Variants in GLB1L2 observed in about 807,000 individuals in gnomAD.
GLB1L2 encodes beta-galactosidase-1-like protein 2.
In GLB1L2, 68 loss-of-function variants were observed where a neutral mutation model predicts 84.1. The ratio of observed to expected loss-of-function variants is 0.81; its 90% confidence interval spans 0.67 to 0.99. The LOEUF is 0.99. GLB1L2 is among the 50% of genes least tolerant of loss of function. The pLI is 0.00. For missense variants in GLB1L2, 762 were observed against 805.6 expected, an observed-to-expected ratio of 0.95 and a Z score of 0.66; for synonymous variants, 290 against 318.0, an observed-to-expected ratio of 0.91 and a Z score of 0.94.
At chr11:134,367,156 G>A in intron 8 of GLB1L2, 101 bp from the exon 9 acceptor site, 1 of 1,004,672 alleles carries the variant, frequency 1.0e-6, no homozygotes, top group South Asian at 1.4e-5. Flanking sequence ...AGACAGGGAA[G>A]AGTAGAGAGG....
At chr11:134,371,708 C>A (rs749590581) in intron 14 of GLB1L2, 44 bp from the exon 15 acceptor site, 1 of 1,589,036 alleles carries the variant, frequency 6.3e-7, no homozygotes, top group Admixed American at 1.7e-5. Flanking sequence ...TGAGGGGCAG[C>A]TGTGGCCTTC....
At chr11:134,332,406 G>T (rs1402889472) in intron 1 of GLB1L2, among the ~76,000 whole-genome samples, 1 of 148,336 alleles carries the variant, frequency 6.7e-6, no homozygotes. Context: ...CGCCCACCCC[G>T]CCGCGCCTGT....
Position 134,345,634 on chromosome 11 carries a change from C to A in GLB1L2, c.449+505C>A, listed in dbSNP as rs187182478. ...TACAGGTGTGTGCCACCACGCGCAG[C>A]TAATTTTTGTATTTTTAGTAAAGAC... On this transcript the variant is annotated intron_variant, in intron 4 of 18. Transcript: ENST00000535456. Among the ~76,000 whole-genome samples, 957 of 152,234 alleles carry A rather than the reference C, an allele frequency of 6.3e-3. 10 individuals are homozygous for A. Among genetic ancestry groups the A allele is most frequent in the African/African-American group, 0.021 (887 of 41,556 alleles).
At chr11:134,368,414 T>C (rs748994606) in intron 9 of GLB1L2, among the ~76,000 whole-genome samples, 8 of 152,156 alleles carry the variant, frequency 5.3e-5, no homozygotes, top group Non-Finnish European at 7.3e-5. Flanking sequence ...TTGACCAGGA[T>C]TGACAGACAA....
chr11:134,368,576 T>A, intron 9 of GLB1L2, 68 bp from the exon 10 acceptor site: 1 of 1,563,182 alleles, frequency 6.4e-7, no homozygotes, highest in Non-Finnish European at 8.8e-7. Flanking sequence ...AGGAGAGTAG[T>A]GAAGGGACCC....
At chr11:134,354,206 G>A (rs1308085414) in intron 5 of GLB1L2, among the ~76,000 whole-genome samples, 1 of 151,954 alleles carries the variant, frequency 6.6e-6, no homozygotes, top group Non-Finnish European at 1.5e-5. Context: ...ATAAGGTAAA[G>A]GATATATAAT....
At chr11:134,345,280 C>T (rs1943538436) in intron 4 of GLB1L2, 151 bp downstream of exon 4, 3 of 1,004,026 alleles carry the variant, frequency 3.0e-6, no homozygotes, top group Admixed American at 6.5e-5. Flanking sequence ...AAAGCAGCAC[C>T]CAGAGGGGAT....
At chr11:134,373,921 C>A in intron 16 of GLB1L2, 113 bp downstream of exon 16, 1 of 843,570 alleles carries the variant, frequency 1.2e-6, no homozygotes, top group Non-Finnish European at 1.9e-6. Context: ...TGAACGCCTC[C>A]AGGGGCCAGA....
chr11:134,374,228 C>A lies in GLB1L2; in HGVS notation c.1679C>A (p.Thr560Asn). 1 of 1,613,054 alleles carries A rather than the reference C, an allele frequency of 6.2e-7. No homozygotes were observed. Among genetic ancestry groups the A allele is most frequent in the South Asian group, 1.1e-5 (1 of 91,052 alleles). ...TTGGGTAGCTTGTCCATCAGCTCCA[C>A]CCCTTGTGACACCTTTCTGAAGCTG... is the stretch of plus-strand genomic sequence containing the variant. ...FFLGSLSISS[T>N]PCDTFLKLEG... The change falls in exon 17 of 19, where the codon ACC (threonine) becomes AAC (asparagine). Residue 560 changes from threonine (T) to asparagine (N), a missense_variant. By Grantham distance (65) the Thr-to-Asn change is moderately conservative. This residue lies in a region of GLB1L2 where 603 missense variants were observed against 611.7 expected (regional missense o/e 0.99). Coordinates refer to ENST00000535456, the MANE Select transcript of GLB1L2 (RefSeq NM_001370461.1).
intron 16 of GLB1L2, 50 bp from the exon 17 acceptor site, chr11:134,374,095 G>A (rs1303400206): frequency 5.1e-6 from 7 of 1,368,068 alleles, no homozygotes; most frequent in Middle Eastern, 3.6e-4. Flanking sequence ...TATTGTGCTG[G>A]TGGATTGAGA....
At chr11:134,348,113 A>C (rs2136270469) in intron 5 of GLB1L2, among the ~76,000 whole-genome samples, 1 of 152,326 alleles carries the variant, frequency 6.6e-6, no homozygotes, top group East Asian at 1.9e-4. Context: ...AAATTAGTAC[A>C]TCAATAAAAA....
Position 134,374,734 on chromosome 11 carries a change from C to A in GLB1L2, c.1824+16C>A. 1.9e-6 allele frequency: 3 copies of A among 1,588,018 alleles called. No homozygotes were observed. Among genetic ancestry groups the A allele is most frequent in the Non-Finnish European group, 2.6e-6 (3 of 1,156,552 alleles). On this transcript the variant is annotated intron_variant, in intron 18 of 18. Coordinates refer to ENST00000535456, the MANE Select transcript of GLB1L2 (RefSeq NM_001370461.1). ...AATCAACCAGGTGGGAGCTTCCAGC[C>A]CCTTCCTGTTCCCCATGACGCCCTG...
intron 1 of GLB1L2, among the ~76,000 whole-genome samples, chr11:134,340,592 A>C (rs1943448805): frequency 6.6e-6 from 1 of 152,218 alleles, no homozygotes; most frequent in African/African-American, 2.4e-5. Context: ...CACCAAAAGA[A>C]GGCCCGGACG....
chr11:134,351,025 T>A (rs1337425940), intron 5 of GLB1L2, among the ~76,000 whole-genome samples: 1 of 152,276 alleles, frequency 6.6e-6, no homozygotes, highest in African/African-American at 2.4e-5. Context: ...TTTATTTTTT[T>A]CTTGACTAAT....
chr11:134,343,377 C>T (rs1451263390), intron 2 of GLB1L2, among the ~76,000 whole-genome samples: 1 of 152,172 alleles, frequency 6.6e-6, no homozygotes, highest in Admixed American at 6.5e-5. Flanking sequence ...GTTGCCATCC[C>T]AGCCTCTGCT....
chr11:134,358,134 A>C (rs1461881564), intron 6 of GLB1L2, among the ~76,000 whole-genome samples: 2 of 152,172 alleles, frequency 1.3e-5, no homozygotes, highest in Non-Finnish European at 2.9e-5. Context: ...CTCGCTGTCT[A>C]TCCACTTCCA....
At chr11:134,354,684 T>G (rs930012410) in intron 5 of GLB1L2, among the ~76,000 whole-genome samples, 1 of 152,172 alleles carries the variant, frequency 6.6e-6, no homozygotes, top group Non-Finnish European at 1.5e-5. Flanking sequence ...TTTGACTATA[T>G]CATCTCATTG....
Position 134,357,542 on chromosome 11 carries a change from G to A in GLB1L2, c.651+1149G>A, listed in dbSNP as rs144563504. Among the ~76,000 whole-genome samples the A allele has an allele frequency of 4.6e-5, 7 of 152,326 alleles. No individual in the cohort carries two copies. In the East Asian group the frequency reaches 9.7e-4, roughly 21 times the overall value. Reference sequence around the variant, plus strand: ...GCGTCTCCTGCGATACCCCATTCCCGCAGACTGTCTCTTGGCCCTGGGGCC... The same window carrying A: ...GCGTCTCCTGCGATACCCCATTCCCACAGACTGTCTCTTGGCCCTGGGGCC... On this transcript the variant is annotated intron_variant, in intron 6 of 18. Coordinates refer to ENST00000535456, the MANE Select transcript of GLB1L2 (RefSeq NM_001370461.1).
chr11:134,356,267 A>G (rs1202638589), intron 5 of GLB1L2, 34 bp from the exon 6 acceptor site: 2 of 1,561,528 alleles, frequency 1.3e-6, no homozygotes, highest in Non-Finnish European at 1.8e-6. Flanking sequence ...TCCCCTGCAC[A>G]CTCAGCTCCT....
Sources: gnomAD v4.1 joint callset for allele counts (sites outside exome capture counted in the v4.1 genomes callset) on GRCh38, gnomAD v4.1.1 for gene constraint, gnomAD v4.1.1 regional missense constraint, MANE v1.5 for transcripts, NCBI Gene and HGNC (gene_info 2026-07-23, HGNC 2026-07-21) for gene names.